The following CSMD1 variants were observed in gnomAD, a reference collection of about 807,000 sequenced individuals.
CSMD1 encodes CUB and Sushi multiple domains 1, also known as CUB and sushi domain-containing protein 1.
A neutral mutation model predicts 417.5 loss-of-function variants in CSMD1; 213 were observed. That is an observed-to-expected ratio of 0.51 (90% CI 0.46 to 0.57). The LOEUF is 0.57. Ranked by LOEUF, CSMD1 falls within the 20% of genes least tolerant of loss-of-function variation. The pLI, the probability that CSMD1 is intolerant of heterozygous loss-of-function variation, is 0.00. For synonymous variants in CSMD1, 2,862 were observed against 1,736.8 expected (o/e 1.65, Z -16.11); for missense variants, 6,923 against 4,529.7 (o/e 1.53, Z -15.17).
intron 1 of CSMD1, among the ~76,000 whole-genome samples, chr8:4,967,251 A>G (rs1192700713): frequency 2.0e-5 from 3 of 152,216 alleles, no homozygotes; most frequent in African/African-American, 7.2e-5. Flanking sequence ...GATAATACTT[A>G]GGTTGAGTTT....
intron 1 of CSMD1, among the ~76,000 whole-genome samples, chr8:4,908,711 C>T (rs1031880000): frequency 8.8e-6 from 1 of 114,252 alleles, no homozygotes; most frequent in African/African-American, 3.4e-5. Context: ...AGGTATTCTT[C>T]ATTTCTGTCA....
At chr8:4,239,158 C>G (rs573492637) in intron 3 of CSMD1, among the ~76,000 whole-genome samples, 6 of 152,308 alleles carry the variant, frequency 3.9e-5, no homozygotes, top group African/African-American at 1.4e-4. Flanking sequence ...TCATTACGTT[C>G]TCCACCAGAG....
At chr8:3,392,948 G>A (rs1811437182) in intron 17 of CSMD1, among the ~76,000 whole-genome samples, 2 of 152,016 alleles carry the variant, frequency 1.3e-5, no homozygotes. Flanking sequence ...CAGGGCTGGT[G>A]ATAAGCACTC....
chr8:4,024,083 A>G (rs1796936545), intron 4 of CSMD1, among the ~76,000 whole-genome samples: 1 of 152,196 alleles, frequency 6.6e-6, no homozygotes, highest in South Asian at 2.1e-4. Context: ...GAAAGAGTAG[A>G]AGCAAGAATA....
chr8:3,124,813 A>T (rs1817406312), intron 41 of CSMD1, among the ~76,000 whole-genome samples: 1 of 152,236 alleles, frequency 6.6e-6, no homozygotes, highest in South Asian at 2.1e-4. Context: ...CTGCCAGTCA[A>T]CATCATAATG....
At chr8:4,238,240 G>T (rs1347107762) in intron 3 of CSMD1, among the ~76,000 whole-genome samples, 2 of 152,142 alleles carry the variant, frequency 1.3e-5, no homozygotes, top group African/African-American at 4.8e-5. Flanking sequence ...GGTCTTCTAT[G>T]TGCCAGACCC....
chr8:4,185,590 A>T (rs1000260594), intron 3 of CSMD1, among the ~76,000 whole-genome samples: 1 of 152,216 alleles, frequency 6.6e-6, no homozygotes, highest in African/African-American at 2.4e-5. Context: ...CTACCTATCT[A>T]GTAAATGTGC....
intron 1 of CSMD1, among the ~76,000 whole-genome samples, chr8:4,901,184 G>A (rs925627367): frequency 1.3e-5 from 2 of 152,186 alleles, no homozygotes; most frequent in African/African-American, 4.8e-5. Flanking sequence ...CCAAAAGTTA[G>A]TATAGATCAA....
At chr8:3,327,167 G>C (rs1313335150) in intron 23 of CSMD1, among the ~76,000 whole-genome samples, 1 of 148,276 alleles carries the variant, frequency 6.7e-6, no homozygotes, top group Non-Finnish European at 1.5e-5. Flanking sequence ...TTTTGAAAGA[G>C]ACTCTCTCTG....
intron 49 of CSMD1, among the ~76,000 whole-genome samples, chr8:3,055,026 G>T (rs867463600): frequency 1.3e-5 from 2 of 152,010 alleles, no homozygotes; most frequent in Admixed American, 6.6e-5. Context: ...GTTCATGATC[G>T]CAAGCCTTAA....
Position 4,560,278 on chromosome 8 carries a change from G to A in CSMD1, c.302+77064C>T, listed in dbSNP as rs566443872. On this transcript the variant is annotated intron_variant, in intron 2 of 69. Transcript: ENST00000635120. ...TTCACAAAGCCCCTGACTATGTGACGATGTGCAGTTCTCTAGAAAGTTGTT... is the reference window on the plus strand; with the variant it reads ...TTCACAAAGCCCCTGACTATGTGACAATGTGCAGTTCTCTAGAAAGTTGTT... 1.1e-4 allele frequency among the ~76,000 whole-genome samples: 17 copies of A among 152,306 alleles called. 1 individual carries two copies. The highest frequency in any genetic ancestry group is 6.2e-4 in the South Asian group (3 of 4,832).
At chr8:3,355,600 A>G (rs1808727328) in intron 21 of CSMD1, among the ~76,000 whole-genome samples, 1 of 152,244 alleles carries the variant, frequency 6.6e-6, no homozygotes, top group South Asian at 2.1e-4. Context: ...ACAGAACTGC[A>G]CGATGTGGGG....
intron 2 of CSMD1, among the ~76,000 whole-genome samples, chr8:4,473,164 C>T (rs1160935084): frequency 6.6e-6 from 1 of 151,982 alleles, no homozygotes; most frequent in African/African-American, 2.4e-5. Flanking sequence ...TTTTAAAATT[C>T]CAATGATTTT....
chr8:3,281,269 C>G (rs1328146246), intron 26 of CSMD1, among the ~76,000 whole-genome samples: 1 of 151,980 alleles, frequency 6.6e-6, no homozygotes, highest in Non-Finnish European at 1.5e-5. Flanking sequence ...ATAATGAAAC[C>G]CTGTCTAGGC....
intron 5 of CSMD1, among the ~76,000 whole-genome samples, chr8:3,853,341 C>T (rs1804045837): frequency 6.6e-6 from 1 of 152,150 alleles, no homozygotes; most frequent in Admixed American, 6.5e-5. Flanking sequence ...TCATAACATG[C>T]TCCACAATTT....
chr8:4,830,788 G>C (rs538270795), intron 1 of CSMD1, among the ~76,000 whole-genome samples: 85 of 152,316 alleles, frequency 5.6e-4, no homozygotes, highest in African/African-American at 2.0e-3. Context: ...CCAGAGTCAA[G>C]TGCAGCCTAC....
At chr8:3,703,298 T>A (rs544515998) in intron 7 of CSMD1, among the ~76,000 whole-genome samples, 2 of 152,288 alleles carry the variant, frequency 1.3e-5, no homozygotes, top group South Asian at 4.1e-4. Flanking sequence ...TGTGGAGGGT[T>A]GAAAGCAAGG....
At chr8:3,685,942 A>C (rs2129030719) in intron 7 of CSMD1, among the ~76,000 whole-genome samples, 1 of 152,172 alleles carries the variant, frequency 6.6e-6, no homozygotes, top group South Asian at 2.1e-4. Context: ...TTAAAAGTAC[A>C]ATTATTTTTT....
intron 5 of CSMD1, among the ~76,000 whole-genome samples, chr8:3,777,718 G>T (rs1416951190): frequency 3.9e-5 from 6 of 152,204 alleles, no homozygotes; most frequent in Non-Finnish European, 7.3e-5. Flanking sequence ...CAGATGCAGA[G>T]TCTCAGGCCA....
Sources: gnomAD v4.1 joint callset for allele counts (sites outside exome capture counted in the v4.1 genomes callset) on GRCh38, gnomAD v4.1.1 for gene constraint, MANE v1.5 for transcripts, NCBI Gene and HGNC (gene_info 2026-07-23, HGNC 2026-07-21) for gene names.